Variants in ATP2B2 observed in about 807,000 individuals in gnomAD.
The protein encoded by ATP2B2 is plasma membrane calcium-transporting ATPase 2.
In ATP2B2, 15 loss-of-function variants were observed where a neutral mutation model predicts 120.0. The ratio of observed to expected loss-of-function variants is 0.12; its 90% CI spans 0.08 to 0.19. The LOEUF is 0.19. Ranked by LOEUF, ATP2B2 falls within the 10% of genes least tolerant of loss-of-function variation. ATP2B2 has a pLI of 1.00. For missense variants in ATP2B2, 1,045 were observed against 1,719.8 expected, an observed-to-expected ratio of 0.61 and a Z score of 6.94; for synonymous variants, 694 against 700.3, an observed-to-expected ratio of 0.99 and a Z score of 0.14.
upstream of ATP2B2, among the ~76,000 whole-genome samples, chr3:10,510,388 AGAGT>A (rs1357280936): frequency 2.6e-5 from 4 of 152,274 alleles, no homozygotes; most frequent in Non-Finnish European, 5.9e-5. Context: ...GCAAGGTCAC[AGAGT>A]GAGTAGGGGA....
intron 1 of ATP2B2, among the ~76,000 whole-genome samples, chr3:10,664,029 G>A (rs1338086567): frequency 6.6e-6 from 1 of 152,078 alleles, no homozygotes; most frequent in Non-Finnish European, 1.5e-5. Context: ...AAGTGGCCTC[G>A]TTGACTGCTC....
intron 2 of ATP2B2, among the ~76,000 whole-genome samples, chr3:10,419,468 TTCTG>T (rs1194791872): frequency 3.3e-5 from 5 of 152,220 alleles, no homozygotes; most frequent in South Asian, 2.1e-4. Context: ...TTGCAGGAAT[TTCTG>T]TCTGTGTTGC....
At chr3:10,421,313 C>T (rs533959221) in intron 2 of ATP2B2, among the ~76,000 whole-genome samples, 5 of 152,334 alleles carry the variant, frequency 3.3e-5, no homozygotes, top group South Asian at 4.2e-4. Flanking sequence ...CCTGGGTCGA[C>T]TGTTCCTTTT....
chr3:10,597,130 G>T (rs2068788373), intron 2 of ATP2B2, among the ~76,000 whole-genome samples: 1 of 144,210 alleles, frequency 6.9e-6, no homozygotes, highest in Non-Finnish European at 1.5e-5. Flanking sequence ...CACATGCACA[G>T]GCAAACAGGT....
At chr3:10,524,993 T>C (rs1247292999) in intron 3 of ATP2B2, among the ~76,000 whole-genome samples, 3 of 152,186 alleles carry the variant, frequency 2.0e-5, no homozygotes, top group Non-Finnish European at 4.4e-5. Context: ...GATACCTGCA[T>C]CGAGACTGGC....
intron 1 of ATP2B2, among the ~76,000 whole-genome samples, chr3:10,691,093 T>G (rs971026585): frequency 6.6e-6 from 1 of 152,228 alleles, no homozygotes; most frequent in African/African-American, 2.4e-5. Flanking sequence ...ATATGAATGC[T>G]TCTTTTAAAA....
intron 12 of ATP2B2, among the ~76,000 whole-genome samples, chr3:10,368,937 A>C (rs1559237969): frequency 6.6e-6 from 1 of 152,208 alleles, no homozygotes; most frequent in African/African-American, 2.4e-5. Context: ...ACTTCCCAAA[A>C]GTCTATCCAA....
chr3:10,493,483 C>A (rs539709270), intron 1 of ATP2B2, among the ~76,000 whole-genome samples: 1 of 152,124 alleles, frequency 6.6e-6, no homozygotes, highest in South Asian at 2.1e-4. Context: ...GAGGGTCAGA[C>A]CCAGAAGGGC....
At chr3:10,481,585 G>T (rs1231237819) in intron 1 of ATP2B2, among the ~76,000 whole-genome samples, 1 of 152,054 alleles carries the variant, frequency 6.6e-6, no homozygotes, top group Non-Finnish European at 1.5e-5. Flanking sequence ...ACACAGTCTC[G>T]CTCCGTTACC....
intron 1 of ATP2B2, among the ~76,000 whole-genome samples, chr3:10,462,576 G>A (rs1249375225): frequency 1.3e-5 from 2 of 152,184 alleles, no homozygotes; most frequent in African/African-American, 4.8e-5. Context: ...AACCCCATGA[G>A]GTAGGTATTA....
intron 2 of ATP2B2, among the ~76,000 whole-genome samples, chr3:10,578,545 T>TA (rs2068308127): frequency 1.0e-5 from 1 of 98,850 alleles, no homozygotes; most frequent in African/African-American, 4.1e-5. Flanking sequence ...AGAGTCCATC[T>TA]CAAAAAAAAA....
At chr3:10,523,788 T>C (rs1261907925) in intron 3 of ATP2B2, among the ~76,000 whole-genome samples, 2 of 150,944 alleles carry the variant, frequency 1.3e-5, no homozygotes, top group Non-Finnish European at 2.9e-5. Flanking sequence ...TGGTCAAATA[T>C]ATCAGAGCCC....
chr3:10,705,192 A>G (rs1031236809), intron 1 of ATP2B2, among the ~76,000 whole-genome samples: 5 of 152,198 alleles, frequency 3.3e-5, no homozygotes, highest in Middle Eastern at 3.2e-3. Context: ...GAACAGTCAA[A>G]TCTTCCAAAC....
rs371043767 is a variant in ATP2B2, at chr3:10,541,392, T to C, written c.-414-7259A>G. ...GATTTCAGAATTCTTTATTTGCTAGTTATGCATGATGCTATAAATTTCCCT... is the reference window on the plus strand; with the variant it reads ...GATTTCAGAATTCTTTATTTGCTAGCTATGCATGATGCTATAAATTTCCCT... On this transcript the variant is annotated intron_variant, in intron 2 of 21. Coordinates refer to the ATP2B2 transcript ENST00000646379. Among the ~76,000 whole-genome samples, 19 of 152,330 alleles carry C rather than the reference T, an allele frequency of 1.2e-4. 1 individual carries two copies. The East Asian group carries it at 3.5e-3, about 28-fold the overall frequency.
intron 1 of ATP2B2, among the ~76,000 whole-genome samples, chr3:10,703,724 T>C (rs1220916555): frequency 1.3e-5 from 2 of 152,262 alleles, no homozygotes; most frequent in African/African-American, 2.4e-5. Context: ...CTGCATTTGA[T>C]GCTTTGACAT....
At chr3:10,442,551 C>T (rs1486986068) in intron 2 of ATP2B2, among the ~76,000 whole-genome samples, 1 of 152,194 alleles carries the variant, frequency 6.6e-6, no homozygotes, top group African/African-American at 2.4e-5. Flanking sequence ...AAAGCATCCA[C>T]ACATGATTCA....
Position 10,343,054 on chromosome 3 carries a change from T to G in ATP2B2, c.2704-89A>C. ...GGCTCATGGTGTAGTGTCCGCAGGC[T>G]CCTGCTGGAGGCTGGAGTCCGACCT... On this transcript the variant is annotated intron_variant, in intron 18 of 22. Coordinates refer to ENST00000360273, the MANE Select transcript of ATP2B2 (RefSeq NM_001001331.4). This position sits in a 1 kb window ranked among gnomAD's most constrained non-coding sequence, Gnocchi z 4.2. The G allele has an allele frequency of 7.1e-7, 1 of 1,416,276 alleles. No homozygotes were observed. The highest frequency in any genetic ancestry group is 9.9e-7 in the Non-Finnish European group (1 of 1,015,020). The allele number at this position is 1,416,276 out of a possible 1,614,324, so 87.7% of individuals were successfully genotyped here.
intron 1 of ATP2B2, among the ~76,000 whole-genome samples, chr3:10,655,547 T>C (rs904545018): frequency 6.7e-6 from 1 of 149,864 alleles, no homozygotes; most frequent in Non-Finnish European, 1.5e-5. Flanking sequence ...AGCATCATCA[T>C]TGCCTGGCAA....
intron 1 of ATP2B2, among the ~76,000 whole-genome samples, chr3:10,489,911 C>T (rs2065870243): frequency 1.3e-5 from 2 of 152,258 alleles, no homozygotes; most frequent in African/African-American, 4.8e-5. Flanking sequence ...CGGGCCACCT[C>T]TCCTGCCAAG....
Sources: allele counts gnomAD v4.1 joint callset (sites outside exome capture counted in the v4.1 genomes callset), GRCh38; gene constraint gnomAD v4.1.1; non-coding constraint Gnocchi (gnomAD v3.1); transcripts MANE v1.5; gene names NCBI Gene and HGNC (gene_info 2026-07-23, HGNC 2026-07-21).